Variants in ACSM3 observed in about 807,000 individuals in gnomAD.
ACSM3 encodes the protein acyl-CoA synthetase medium chain family member 3.
In ACSM3, 61 loss-of-function variants were observed where a neutral mutation model predicts 74.1. The observed-to-expected ratio is 0.82, with a 90% CI of 0.67 to 1.02. The LOEUF (loss-of-function observed/expected upper bound fraction) is 1.02. ACSM3 is among the 50% of genes least tolerant of loss of function. ACSM3 has a pLI of 0.00. For missense variants in ACSM3, 660 were observed against 697.0 expected (o/e 0.95, Z 0.60); for synonymous variants, 213 against 241.5 (o/e 0.88, Z 1.09).
upstream of ACSM3, among the ~76,000 whole-genome samples, chr16:20,760,504 T>C (rs2080068276): frequency 6.6e-6 from 1 of 152,168 alleles, no homozygotes; most frequent in Non-Finnish European, 1.5e-5. Context: ...AATCAAGCAT[T>C]ACAACATTTC....
intron 1 of ACSM3, among the ~76,000 whole-genome samples, chr16:20,683,445 T>C (rs1567308369): frequency 6.6e-6 from 1 of 151,906 alleles, no homozygotes; most frequent in Non-Finnish European, 1.5e-5. Flanking sequence ...ATTTCTTCTC[T>C]GCACTAACAC....
At position 20,796,434 on chromosome 16, in the gene ACSM3, A is replaced by C; in HGVS notation, c.1619A>C (p.Lys540Thr). The C allele has an allele frequency of 6.2e-7, 1 of 1,613,946 alleles. No individual in the cohort carries two copies. Among genetic ancestry groups the C allele is most frequent in the Non-Finnish European group, 8.5e-7 (1 of 1,179,958 alleles). ...TCACATGATCAAGAACAACTAATAA[A>C]GGAGATTCAGGAGCATGTTAAAAAA... is the stretch of plus-strand genomic sequence containing the variant. ...YKSHDQEQLI[K>T]EIQEHVKKTT... is the part of the protein sequence containing the mutation. Residue 540 changes from lysine to threonine, a missense_variant, in exon 13 of 14, where the codon AAG becomes ACG. Lys to Thr is a moderately conservative substitution (Grantham distance 78, BLOSUM62 -1). Transcript: ENST00000289416.
At chr16:20,732,566 T>A (rs527357571) in intron 1 of ACSM3, among the ~76,000 whole-genome samples, 7 of 152,162 alleles carry the variant, frequency 4.6e-5, no homozygotes, top group African/African-American at 1.7e-4. Flanking sequence ...AGACAAGAAC[T>A]AAGTGTTCTT....
chr16:20,690,219 G>A (rs1388206944), intron 1 of ACSM3, among the ~76,000 whole-genome samples: 1 of 152,120 alleles, frequency 6.6e-6, no homozygotes, highest in Non-Finnish European at 1.5e-5. Context: ...TCCATCTCAG[G>A]GGGATTCTCT....
intron 7 of ACSM3, among the ~76,000 whole-genome samples, chr16:20,782,038 G>A (rs989472175): frequency 7.2e-5 from 11 of 152,150 alleles, no homozygotes; most frequent in African/African-American, 2.7e-4. Flanking sequence ...GTGGTTATGG[G>A]TAAGAAGATG....
intron 1 of ACSM3, chr16:20,737,825 C>A: frequency 1.2e-6 from 2 of 1,613,884 alleles, no homozygotes; most frequent in Non-Finnish European, 1.7e-6. Flanking sequence ...AATGTTTCTG[C>A]ATATTTTTTC....
At chr16:20,691,007 T>A in intron 1 of ACSM3, 1 of 1,609,694 alleles carries the variant, frequency 6.2e-7, no homozygotes, top group Non-Finnish European at 8.5e-7. Flanking sequence ...CTTCTCCTTT[T>A]GAGCCCAGTA....
chr16:20,689,779 T>A (rs1265253466), intron 1 of ACSM3, among the ~76,000 whole-genome samples: 3 of 152,174 alleles, frequency 2.0e-5, no homozygotes, highest in African/African-American at 4.8e-5. Context: ...AGATTTCCAG[T>A]CTGGGCAATG....
At chr16:20,768,521 G>A (rs111765238) in intron 1 of ACSM3, among the ~76,000 whole-genome samples, 5,700 of 152,234 alleles carry the variant, frequency 0.037, 156 homozygotes, top group Middle Eastern at 0.071. Flanking sequence ...CTAAATCAGT[G>A]ATTCTCAACC....
chr16:20,786,021 A>G, intron 8 of ACSM3, 57 bp from the exon 9 acceptor site: 1 of 1,231,584 alleles, frequency 8.1e-7, no homozygotes, highest in Non-Finnish European at 1.1e-6. Flanking sequence ...TGCATGATAG[A>G]TGAATAAATT....
chr16:20,740,900 C>T (rs937854040), intron 1 of ACSM3, among the ~76,000 whole-genome samples: 8 of 152,168 alleles, frequency 5.3e-5, no homozygotes, highest in African/African-American at 1.9e-4. Context: ...TCCAACTTCA[C>T]GAGGCTGTCA....
chr16:20,797,430 AC>A lies in ACSM3; in HGVS notation c.*460del. The A allele has an allele frequency of 9.8e-7, 1 of 1,019,250 alleles. No individual in the cohort carries two copies. Among genetic ancestry groups the A allele is most frequent in the Non-Finnish European group, 1.2e-6 (1 of 848,050 alleles). 63.1% of individuals were successfully genotyped at this position (1,019,250 alleles called of 1,614,324 possible). A position where few individuals can be genotyped will look rare whatever the true frequency, so the allele number is the denominator to read the frequency against. On this transcript the variant is annotated 3_prime_UTR_variant, in exon 14 of 14. Transcript: ENST00000289416. ...TGATAATCTCAAAGTACAAGAATCT[AC>A]CTGAAAATAGACTAGGGATTTTTAT...
At chr16:20,728,288 G>A (rs368686147) in intron 1 of ACSM3, 13 of 516,248 alleles carry the variant, frequency 2.5e-5, no homozygotes, top group South Asian at 1.0e-4. Flanking sequence ...CAGAAAGAAC[G>A]TTTTACAGTT....
intron 1 of ACSM3, among the ~76,000 whole-genome samples, chr16:20,688,172 C>T (rs1440676666): frequency 6.6e-6 from 1 of 150,996 alleles, no homozygotes; most frequent in African/African-American, 2.4e-5. Flanking sequence ...TGAAAATTCA[C>T]TAGGGGTTCA....
At chr16:20,741,481 G>GAGCCCC in intron 1 of ACSM3, 1 of 1,308,414 alleles carries the variant, frequency 7.6e-7, no homozygotes, top group South Asian at 1.8e-5. Context: ...CTGGCAGCCG[G>GAGCCCC]CCCGCCCGCC....
chr16:20,794,555 A>G (rs1039907190), intron 12 of ACSM3, among the ~76,000 whole-genome samples: 2 of 152,246 alleles, frequency 1.3e-5, no homozygotes, highest in African/African-American at 2.4e-5. Flanking sequence ...TGGCACAGCC[A>G]TAGACTTTTC....
chr16:20,702,261 G>A (rs1176771831), intron 1 of ACSM3, among the ~76,000 whole-genome samples: 2 of 152,148 alleles, frequency 1.3e-5, no homozygotes, highest in Admixed American at 1.3e-4. Flanking sequence ...TGCCCAGGCT[G>A]GAGTGCAATG....
chr16:20,761,201 C>T (rs914833902), upstream of ACSM3, among the ~76,000 whole-genome samples: 1 of 152,138 alleles, frequency 6.6e-6, no homozygotes, highest in East Asian at 1.9e-4. Context: ...CTCCACCTCC[C>T]AGGTTTGAGC....
intron 1 of ACSM3, among the ~76,000 whole-genome samples, chr16:20,704,482 C>T (rs2079721540): frequency 6.6e-6 from 1 of 152,188 alleles, no homozygotes; most frequent in African/African-American, 2.4e-5. Context: ...AGAGAACACA[C>T]AGGCCCTTGT....
Sources: gnomAD v4.1 joint callset for allele counts (sites outside exome capture counted in the v4.1 genomes callset) on GRCh38, gnomAD v4.1.1 for gene constraint, MANE v1.5 for transcripts, NCBI Gene and HGNC (gene_info 2026-07-23, HGNC 2026-07-21) for gene names.